SOX6: variants seen among roughly 807,000 people sequenced by gnomAD.
SOX6 encodes SRY-box transcription factor 6.
In SOX6, 11 loss-of-function variants were observed where a neutral mutation model predicts 97.8. The observed-to-expected ratio is 0.11, with a 90% CI of 0.07 to 0.19. SOX6 has a LOEUF of 0.19. Among genes scored for constraint, SOX6 ranks in the 10% least tolerant of loss-of-function variants. The pLI is 1.00. For missense variants in SOX6, 810 were observed against 1,039.5 expected, an observed-to-expected ratio of 0.78 and a Z score of 3.04; for synonymous variants, 360 against 371.4, an observed-to-expected ratio of 0.97 and a Z score of 0.35.
intron 4 of SOX6, among the ~76,000 whole-genome samples, chr11:16,546,087 C>T (rs1162753968): frequency 6.6e-6 from 1 of 151,122 alleles, no homozygotes; most frequent in Non-Finnish European, 1.5e-5. Flanking sequence ...ACCAAGAGGG[C>T]AATCCTATTT....
chr11:16,025,203 C>A lies in SOX6; in HGVS notation c.1624-10153G>T, dbSNP rs76674513. ...GAGTTATAAAGTGTTCAGATTTAAGCAAATCCAGTTGTGTGGCAGCCTAAC... is the reference window on the plus strand; with the variant it reads ...GAGTTATAAAGTGTTCAGATTTAAGAAAATCCAGTTGTGTGGCAGCCTAAC... On this transcript the variant is annotated intron_variant, in intron 12 of 15. Transcript: ENST00000683767. 2.2e-4 allele frequency among the ~76,000 whole-genome samples: 33 copies of A among 152,220 alleles called. No homozygotes were observed. In the East Asian group the frequency reaches 5.8e-3, roughly 27 times the overall value.
chr11:16,376,421 A>G (rs1055933448), intron 1 of SOX6, among the ~76,000 whole-genome samples: 5 of 152,124 alleles, frequency 3.3e-5, no homozygotes, highest in African/African-American at 1.2e-4. Flanking sequence ...AAGTGATCCT[A>G]GAATTAGAAA....
At chr11:16,367,837 T>C (rs1258887341) in intron 1 of SOX6, among the ~76,000 whole-genome samples, 1 of 152,154 alleles carries the variant, frequency 6.6e-6, no homozygotes, top group East Asian at 1.9e-4. Flanking sequence ...ATAATACATG[T>C]ACATTATAAA....
At chr11:16,588,635 A>G (rs1453702370) in intron 4 of SOX6, among the ~76,000 whole-genome samples, 1 of 152,132 alleles carries the variant, frequency 6.6e-6, no homozygotes, top group Admixed American at 6.5e-5. Context: ...ACACTTAACT[A>G]TGGAACTTTG....
chr11:16,370,962 T>C (rs1039644862), intron 1 of SOX6, among the ~76,000 whole-genome samples: 7 of 152,030 alleles, frequency 4.6e-5, no homozygotes, highest in East Asian at 1.9e-4. Context: ...TATAATTTAT[T>C]CCCAGAAACA....
At chr11:16,311,953 TA>T (rs1291388072) in intron 3 of SOX6, 1 of 152,196 alleles carries the variant, frequency 6.6e-6, no homozygotes, top group African/African-American at 2.4e-5. Context: ...AATATACACA[TA>T]AACACATGCT....
At chr11:16,505,434 T>C (rs7117636) in intron 4 of SOX6, among the ~76,000 whole-genome samples, 33,503 of 152,108 alleles carry the variant, frequency 0.22, 4,200 homozygotes, top group East Asian at 0.51. Context: ...TATGTTTATA[T>C]TCATGAGCAA....
chr11:16,536,571 T>C (rs1454248766), intron 4 of SOX6, among the ~76,000 whole-genome samples: 1 of 152,174 alleles, frequency 6.6e-6, no homozygotes, highest in Admixed American at 6.5e-5. Context: ...TGACAGACAG[T>C]ACCTGGAAAA....
At chr11:16,410,093 G>A (rs1590192707) in intron 1 of SOX6, among the ~76,000 whole-genome samples, 1 of 152,004 alleles carries the variant, frequency 6.6e-6, no homozygotes. Flanking sequence ...AGTATTTAAG[G>A]TGATGGATAT....
chr11:16,402,588 AT>A, intron 1 of SOX6: 1 of 1,452,994 alleles, frequency 6.9e-7, no homozygotes, highest in Non-Finnish European at 9.7e-7. Context: ...ACAAAGAAAT[AT>A]CGCTTTGTTT....
intron 1 of SOX6, among the ~76,000 whole-genome samples, chr11:16,380,977 A>T (rs895648807): frequency 3.3e-5 from 5 of 150,376 alleles, no homozygotes; most frequent in South Asian, 2.1e-4. Context: ...AATCTCTCCA[A>T]GTTTTAGATT....
At chr11:16,266,813 T>C (rs1260584541) in intron 3 of SOX6, among the ~76,000 whole-genome samples, 1 of 151,434 alleles carries the variant, frequency 6.6e-6, no homozygotes, top group Non-Finnish European at 1.5e-5. Context: ...AAAATATACA[T>C]GGTATTATTT....
intron 3 of SOX6, among the ~76,000 whole-genome samples, chr11:16,266,468 T>C (rs1404591415): frequency 6.6e-6 from 1 of 151,648 alleles, no homozygotes; most frequent in Non-Finnish European, 1.5e-5. Flanking sequence ...AGGAGATCTG[T>C]ATCTACAAAA....
At chr11:16,731,151 C>A (rs1848346413) in intron 2 of SOX6, among the ~76,000 whole-genome samples, 2 of 152,114 alleles carry the variant, frequency 1.3e-5, no homozygotes, top group African/African-American at 4.8e-5. Context: ...AGATTCACAG[C>A]CGAATTCTAC....
chr11:16,638,741 C>A (rs187966619), intron 3 of SOX6, among the ~76,000 whole-genome samples: 14 of 152,298 alleles, frequency 9.2e-5, no homozygotes, highest in African/African-American at 2.4e-4. Flanking sequence ...CTGTTCATAT[C>A]TTTCACCCAC....
intron 6 of SOX6, among the ~76,000 whole-genome samples, chr11:16,139,428 T>G (rs895785004): frequency 6.6e-6 from 1 of 152,198 alleles, no homozygotes; most frequent in Non-Finnish European, 1.5e-5. Flanking sequence ...ATTTTTTCAT[T>G]TATTCATAAA....
intron 4 of SOX6, among the ~76,000 whole-genome samples, chr11:16,482,082 T>C (rs34138863): frequency 0.22 from 33,361 of 152,036 alleles, 4,159 homozygotes; most frequent in East Asian, 0.51. Flanking sequence ...GTTGGTTTGG[T>C]GGAAGTATGT....
chr11:16,640,707 T>G (rs1021150690), intron 3 of SOX6, among the ~76,000 whole-genome samples: 26 of 152,326 alleles, frequency 1.7e-4, no homozygotes, highest in Admixed American at 7.8e-4. Flanking sequence ...TAGAGGTGTT[T>G]ATAGTATTCT....
intron 4 of SOX6, among the ~76,000 whole-genome samples, chr11:16,589,655 C>A (rs1321096653): frequency 2.6e-5 from 4 of 151,320 alleles, no homozygotes; most frequent in Non-Finnish European, 5.9e-5. Context: ...AAAAAATAAG[C>A]CAAAATTTAT....
Sources: allele counts gnomAD v4.1 joint callset (sites outside exome capture counted in the v4.1 genomes callset), GRCh38; gene constraint gnomAD v4.1.1; transcripts MANE v1.5; gene names NCBI Gene and HGNC (gene_info 2026-07-23, HGNC 2026-07-21).